The following GLP2R variants were observed in gnomAD, a reference collection of about 807,000 sequenced individuals.
The protein encoded by GLP2R is glucagon like peptide 2 receptor.
A neutral mutation model predicts 68.2 loss-of-function variants in GLP2R; 59 were observed. The observed-to-expected ratio is 0.87, with a 90% CI of 0.70 to 1.07. GLP2R has a LOEUF of 1.07. Ranked by LOEUF, GLP2R falls within the 50% of genes least tolerant of loss-of-function variation. The pLI is 0.00. For missense variants in GLP2R, 548 were observed against 677.4 expected, an observed-to-expected ratio of 0.81 and a Z score of 2.12; for synonymous variants, 270 against 265.4, an observed-to-expected ratio of 1.02 and a Z score of -0.17.
chr17:9,852,900 TC>T, intron 4 of GLP2R: 1 of 466,834 alleles, frequency 2.1e-6, no homozygotes. Context: ...CAGATTACTT[TC>T]CAGATATACT....
intron 4 of GLP2R, among the ~76,000 whole-genome samples, chr17:9,851,372 G>A (rs1416591655): frequency 2.6e-5 from 4 of 151,994 alleles, no homozygotes; most frequent in African/African-American, 9.7e-5. Context: ...TGAAAGCAAA[G>A]CATTATTGAA....
chr17:9,870,892 G>C, intron 10 of GLP2R, 57 bp downstream of exon 10: 1 of 821,058 alleles, frequency 1.2e-6, no homozygotes, highest in Non-Finnish European at 2.2e-6. Flanking sequence ...TACTCTGGCT[G>C]TTCTGCCCGC....
chr17:9,871,721 C>CTTTTTTTTTTTTTTTTTTTTTTT (rs372099240), intron 10 of GLP2R, among the ~76,000 whole-genome samples: 11 of 102,312 alleles, frequency 1.1e-4, no homozygotes, highest in Non-Finnish European at 1.7e-4. Context: ...TACTTTCTTT[C>CTTTTTTTTTTTTTTTTTTTTTTT]TTTTTTTTTT....
chr17:9,886,547 G>A (rs1460537144), intron 11 of GLP2R, among the ~76,000 whole-genome samples: 1 of 152,230 alleles, frequency 6.6e-6, no homozygotes, highest in African/African-American at 2.4e-5. Flanking sequence ...ACCGCATAGG[G>A]CAGCTGTGAA....
intron 11 of GLP2R, among the ~76,000 whole-genome samples, chr17:9,883,936 G>T (rs2152049471): frequency 6.6e-6 from 1 of 152,218 alleles, no homozygotes; most frequent in African/African-American, 2.4e-5. Context: ...CAGTGGAAAA[G>T]GTAGATACAC....
At chr17:9,855,572 C>A (rs1335615349) in intron 5 of GLP2R, among the ~76,000 whole-genome samples, 1 of 152,114 alleles carries the variant, frequency 6.6e-6, no homozygotes, top group Non-Finnish European at 1.5e-5. Context: ...AATTCAGGGC[C>A]CTCAGATGTC....
chr17:9,870,343 T>C (rs769015626), intron 9 of GLP2R, among the ~76,000 whole-genome samples: 2 of 152,220 alleles, frequency 1.3e-5, no homozygotes, highest in Non-Finnish European at 2.9e-5. Context: ...TGGTGCTAAG[T>C]ACTAAGTGAT....
chr17:9,864,503 T>C (rs1000659777), intron 9 of GLP2R, among the ~76,000 whole-genome samples: 3 of 149,780 alleles, frequency 2.0e-5, no homozygotes, highest in African/African-American at 7.6e-5. Context: ...TGTTTGTTTG[T>C]TTGTTTGTTT....
intron 4 of GLP2R, 152 bp from the exon 5 acceptor site, chr17:9,854,343 C>A: frequency 1.5e-6 from 1 of 667,722 alleles, no homozygotes; most frequent in Non-Finnish European, 2.7e-6. Context: ...CTAAACTACC[C>A]TATTTGGGTG....
intron 9 of GLP2R, among the ~76,000 whole-genome samples, chr17:9,862,770 T>C (rs979345546): frequency 6.6e-6 from 1 of 152,196 alleles, no homozygotes; most frequent in African/African-American, 2.4e-5. Flanking sequence ...TATTCCTGCC[T>C]AGACACACCA....
intron 1 of GLP2R, among the ~76,000 whole-genome samples, chr17:9,830,780 T>C (rs894755736): frequency 1.1e-4 from 16 of 152,220 alleles, no homozygotes; most frequent in Non-Finnish European, 2.9e-5. Context: ...TTGATGATGT[T>C]GTCTCTTTGC....
intron 3 of GLP2R, among the ~76,000 whole-genome samples, chr17:9,838,294 A>G (rs977720732): frequency 3.3e-5 from 5 of 152,280 alleles, no homozygotes; most frequent in Admixed American, 2.0e-4. Flanking sequence ...TCATCTATGA[A>G]GGGAAGGAGA....
At chr17:9,871,229 G>A (rs1009654692) in intron 10 of GLP2R, among the ~76,000 whole-genome samples, 4 of 151,938 alleles carry the variant, frequency 2.6e-5, no homozygotes, top group Admixed American at 1.3e-4. Flanking sequence ...TTAGCCAGGC[G>A]TGGTGCATGC....
At chr17:9,881,627 G>T (rs553052448) in intron 11 of GLP2R, among the ~76,000 whole-genome samples, 3 of 135,466 alleles carry the variant, frequency 2.2e-5, no homozygotes, top group African/African-American at 3.8e-5. Flanking sequence ...TGATCCGCCC[G>T]CCTCGGCCTC....
At chr17:9,858,738 G>A (rs942557841) in intron 6 of GLP2R, among the ~76,000 whole-genome samples, 4 of 152,102 alleles carry the variant, frequency 2.6e-5, no homozygotes, top group Admixed American at 6.5e-5. Flanking sequence ...CTAACTGTTC[G>A]AATTTATTGG....
chr17:9,846,443 C>A lies in GLP2R; in HGVS notation c.504+3827C>A, dbSNP rs1255789344. Among the ~76,000 whole-genome samples, 6 of 152,118 alleles carry A rather than the reference C, an allele frequency of 3.9e-5. No homozygotes were observed. The South Asian group carries it at 1.2e-3, about 32-fold the overall frequency. On this transcript the variant is annotated intron_variant, in intron 4 of 12. Coordinates refer to ENST00000262441, the MANE Select transcript of GLP2R (RefSeq NM_004246.3). ...TCAGCCTGGGCAACACGGCGAAACC[C>A]CATCTCTAAAAAATCAATACAAAAA...
intron 1 of GLP2R, among the ~76,000 whole-genome samples, chr17:9,829,944 C>T (rs928639652): frequency 5.3e-5 from 8 of 152,306 alleles, no homozygotes; most frequent in South Asian, 2.1e-4. Context: ...CGGCCAAGTT[C>T]GTTGCTGATG....
intron 2 of GLP2R, chr17:9,834,540 T>A (rs1175777795): frequency 6.5e-6 from 1 of 153,342 alleles, no homozygotes; most frequent in African/African-American, 2.4e-5. Flanking sequence ...GTCTGCAGGC[T>A]GACTCTTCGG....
rs753108361 is a variant in GLP2R, at chr17:9,836,472, G to A, written c.379G>A (p.Glu127Lys). Residue 127 changes from glutamate to lysine, a missense_variant, in exon 3 of 13, where the codon GAA (glutamate) becomes AAA (lysine). Coordinates refer to ENST00000262441, the MANE Select transcript of GLP2R (RefSeq NM_004246.3). ...PCPSYLPWWS[E>K]ESSGRAYRHC... ...CCCTTCATACTTACCTTGGTGGAGT[G>A]AAGGTAATAAGTCTTATTTTTACCA... 6.3e-7 allele frequency: 1 copy of A among 1,577,882 alleles called. No individual in the cohort carries two copies. Among genetic ancestry groups the A allele is most frequent in the Non-Finnish European group, 8.7e-7 (1 of 1,146,842 alleles).
Sources: allele counts gnomAD v4.1 joint callset (sites outside exome capture counted in the v4.1 genomes callset), GRCh38; gene constraint gnomAD v4.1.1; transcripts MANE v1.5; gene names NCBI Gene and HGNC (gene_info 2026-07-23, HGNC 2026-07-21).